Variants in CNTLN observed in about 807,000 individuals in gnomAD.
The protein encoded by CNTLN is centlein.
In CNTLN, 212 loss-of-function variants were observed where a neutral mutation model predicts 180.0. The ratio of observed to expected loss-of-function variants is 1.18; its 90% confidence interval spans 1.05 to 1.32. CNTLN has a LOEUF of 1.32. Among genes scored for constraint, CNTLN ranks in the 40% most tolerant of loss-of-function variants. The pLI is 0.00. For synonymous variants in CNTLN, 722 were observed against 563.1 expected, an observed-to-expected ratio of 1.28 and a Z score of -3.99; for missense variants, 2,095 against 1,610.9, an observed-to-expected ratio of 1.30 and a Z score of -5.14.
chr9:17,360,662 G>C (rs889060527), intron 12 of CNTLN, among the ~76,000 whole-genome samples: 15 of 152,208 alleles, frequency 9.9e-5, no homozygotes, highest in Non-Finnish European at 1.0e-4. Flanking sequence ...ACTAAAGATT[G>C]GTTAAGCAGA....
At chr9:17,224,345 A>T (rs1365238962) in intron 2 of CNTLN, among the ~76,000 whole-genome samples, 1 of 152,020 alleles carries the variant, frequency 6.6e-6, no homozygotes, top group East Asian at 1.9e-4. Context: ...GTGATGGATT[A>T]ATGTATTAGA....
intron 2 of CNTLN, among the ~76,000 whole-genome samples, chr9:17,190,773 G>A (rs1186050204): frequency 1.3e-5 from 2 of 152,138 alleles, no homozygotes; most frequent in African/African-American, 4.8e-5. Context: ...AAATGGTACA[G>A]GAAGAAGTGA....
At chr9:17,419,228 T>G (rs1240659675) in intron 18 of CNTLN, among the ~76,000 whole-genome samples, 1 of 152,160 alleles carries the variant, frequency 6.6e-6, no homozygotes, top group Non-Finnish European at 1.5e-5. Flanking sequence ...GGCAAAGATT[T>G]GTGATTCCCA....
At chr9:17,513,209 C>A in the CNTLN span, among the ~76,000 whole-genome samples, 1 of 151,862 alleles carries the variant, frequency 6.6e-6, no homozygotes, top group Non-Finnish European at 1.5e-5. Flanking sequence ...CTCTTTTAAA[C>A]CATCTGTGAG....
intron 2 of CNTLN, among the ~76,000 whole-genome samples, chr9:17,189,299 G>T (rs1253535562): frequency 2.0e-5 from 3 of 151,130 alleles, no homozygotes; most frequent in Non-Finnish European, 4.4e-5. Flanking sequence ...AGCCAGGATG[G>T]TCTCAATCTT....
At chr9:17,391,331 C>T (rs1826096023) in intron 14 of CNTLN, among the ~76,000 whole-genome samples, 2 of 152,048 alleles carry the variant, frequency 1.3e-5, no homozygotes, top group Admixed American at 1.3e-4. Context: ...GGTTTTATGG[C>T]TTGCTTTTGG....
chr9:17,503,028 G>A lies in CNTLN; in HGVS notation c.*376G>A, dbSNP rs1376943686. 1 of 153,332 alleles carries A rather than the reference G, an allele frequency of 6.5e-6. No homozygotes were observed. Among genetic ancestry groups the A allele is most frequent in the Non-Finnish European group, 1.5e-5 (1 of 68,702 alleles). The allele number at this position is 153,332 out of a possible 1,614,324, so 9.5% of individuals were successfully genotyped here. ...TGTTTTACGTTTCATGAAGAAACTA[G>A]ACTTTTTACATAAAACTGCTATAGA... On this transcript the variant is annotated 3_prime_UTR_variant, in exon 26 of 26. Coordinates refer to ENST00000380647, the MANE Select transcript of CNTLN (RefSeq NM_017738.4).
At chr9:17,280,114 T>G (rs1828574275) in intron 6 of CNTLN, among the ~76,000 whole-genome samples, 1 of 152,134 alleles carries the variant, frequency 6.6e-6, no homozygotes, top group South Asian at 2.1e-4. Context: ...AATTACCCAG[T>G]TTTAGGGATT....
intron 8 of CNTLN, among the ~76,000 whole-genome samples, chr9:17,312,372 A>AT (rs1354757738): frequency 1.9e-5 from 1 of 52,018 alleles, no homozygotes; most frequent in East Asian, 7.1e-4. Flanking sequence ...TATTATATAT[A>AT]TATATATATA....
chr9:17,512,687 A>T, the CNTLN span, among the ~76,000 whole-genome samples: 1 of 152,248 alleles, frequency 6.6e-6, no homozygotes, highest in African/African-American at 2.4e-5. Context: ...TTTTCAAAAC[A>T]TGTATTTTCA....
At chr9:17,321,764 ATAT>A (rs1819930154) in intron 8 of CNTLN, among the ~76,000 whole-genome samples, 1 of 152,140 alleles carries the variant, frequency 6.6e-6, no homozygotes, top group South Asian at 2.1e-4. Flanking sequence ...TAGTTGCAAA[ATAT>A]TATGCCAGAG....
chr9:17,306,110 A>G (rs1002556573), intron 7 of CNTLN, among the ~76,000 whole-genome samples: 40 of 151,970 alleles, frequency 2.6e-4, no homozygotes, highest in Non-Finnish European at 1.2e-4. Flanking sequence ...AGAGAGAGCA[A>G]AGTAGAGAAC....
intron 14 of CNTLN, among the ~76,000 whole-genome samples, chr9:17,390,026 T>C: frequency 6.6e-6 from 1 of 152,148 alleles, no homozygotes; most frequent in East Asian, 1.9e-4. Context: ...GATAGCCATT[T>C]ACAAGCCAAG....
rs1390945480 is a variant in CNTLN at position 17,286,273 on chromosome 9, C to A, written c.984-11917C>A. On this transcript the variant is annotated intron_variant, in intron 6 of 25. Transcript: ENST00000380647. ...CTTATTAAATAGGGAATCCTTTCCC[C>A]ATTGCTTGTTTTTCTCAGGTTTGTC... Among the ~76,000 whole-genome samples the A allele has an allele frequency of 2.6e-5, 2 of 76,326 alleles. 1 individual carries two copies. The highest frequency in any genetic ancestry group is 2.8e-4 in the Admixed American group (2 of 7,180). 50.1% of individuals were successfully genotyped at this position (76,326 alleles called of 152,430 possible).
At chr9:17,289,610 A>C (rs1451323673) in intron 6 of CNTLN, among the ~76,000 whole-genome samples, 3 of 130,028 alleles carry the variant, frequency 2.3e-5, no homozygotes, top group Non-Finnish European at 4.7e-5. Context: ...GTGTTTTCCA[A>C]CTTGGTTCCA....
chr9:17,485,552 C>T (rs962809888), intron 24 of CNTLN, among the ~76,000 whole-genome samples: 1 of 152,080 alleles, frequency 6.6e-6, no homozygotes, highest in African/African-American at 2.4e-5. Context: ...AATATTACTT[C>T]TGGCAAGGGT....
At chr9:17,523,378 A>C in the CNTLN span, among the ~76,000 whole-genome samples, 1 of 152,078 alleles carries the variant, frequency 6.6e-6, no homozygotes, top group East Asian at 1.9e-4. Flanking sequence ...CTGGGATTAC[A>C]GGTGTCCACC....
chr9:17,186,038 T>A (rs1821418446), intron 2 of CNTLN, among the ~76,000 whole-genome samples: 1 of 152,188 alleles, frequency 6.6e-6, no homozygotes, highest in Admixed American at 6.5e-5. Context: ...GTTATCCTCC[T>A]GCCTTGGCCT....
At chr9:17,267,305 G>A (rs201641771) in intron 5 of CNTLN, among the ~76,000 whole-genome samples, 1 of 151,962 alleles carries the variant, frequency 6.6e-6, no homozygotes, top group African/African-American at 2.4e-5. Context: ...TGAAGGTTAG[G>A]TTGGCTGGAT....
Sources: gnomAD v4.1 joint callset for allele counts (sites outside exome capture counted in the v4.1 genomes callset) on GRCh38, gnomAD v4.1.1 for gene constraint, MANE v1.5 for transcripts, NCBI Gene and HGNC (gene_info 2026-07-23, HGNC 2026-07-21) for gene names.